PTPRT: variants seen among roughly 807,000 people sequenced by gnomAD.
PTPRT encodes the protein protein tyrosine phosphatase receptor type T, also known as receptor-type tyrosine-protein phosphatase T.
PTPRT carries 56 observed loss-of-function variants against 176.8 expected under a neutral mutation model. The ratio of observed to expected loss-of-function variants is 0.32; its 90% CI spans 0.26 to 0.40. The LOEUF (loss-of-function observed/expected upper bound fraction) is 0.40, where lower values mean the gene tolerates loss of function less well. Among genes scored for constraint, PTPRT ranks in the 10% least tolerant of loss-of-function variants. PTPRT has a pLI of 1.00. For missense variants in PTPRT, 1,540 were observed against 1,908.2 expected, an observed-to-expected ratio of 0.81 and a Z score of 3.60; for synonymous variants, 783 against 739.0, an observed-to-expected ratio of 1.06 and a Z score of -0.96.
At chr20:42,378,018 A>C (rs1045043083) in intron 9 of PTPRT, among the ~76,000 whole-genome samples, 2 of 152,216 alleles carry the variant, frequency 1.3e-5, no homozygotes, top group Non-Finnish European at 2.9e-5. Context: ...ATTATTTCAG[A>C]GGCAGAGGTT....
At chr20:42,808,536 G>C (rs973265488) in intron 2 of PTPRT, among the ~76,000 whole-genome samples, 1 of 152,126 alleles carries the variant, frequency 6.6e-6, no homozygotes, top group African/African-American at 2.4e-5. Context: ...GAGGACCAAA[G>C]CAAGTCCTTG....
chr20:42,070,105 T>C (rs1051114902), downstream of PTPRT, among the ~76,000 whole-genome samples: 6 of 152,142 alleles, frequency 3.9e-5, no homozygotes, highest in Non-Finnish European at 8.8e-5. Flanking sequence ...ACCAGCTGCT[T>C]CTGCTTCTAT....
chr20:42,591,981 T>C (rs906187257), intron 7 of PTPRT, among the ~76,000 whole-genome samples: 5 of 141,374 alleles, frequency 3.5e-5, no homozygotes, highest in Non-Finnish European at 6.1e-5. Flanking sequence ...GATTCTTTTT[T>C]TTTTTTTTTT....
intron 7 of PTPRT, among the ~76,000 whole-genome samples, chr20:42,639,480 C>T (rs958959224): frequency 6.6e-6 from 1 of 152,132 alleles, no homozygotes; most frequent in Non-Finnish European, 1.5e-5. Context: ...CTCCGCAATT[C>T]CCAGAGCATT....
At chr20:42,156,922 C>A (rs769731723) in intron 17 of PTPRT, among the ~76,000 whole-genome samples, 4 of 152,214 alleles carry the variant, frequency 2.6e-5, no homozygotes, top group Non-Finnish European at 5.9e-5. Flanking sequence ...GAAGTAAGGT[C>A]AGATCATTAG....
chr20:42,134,779 A>G (rs1464371112), intron 18 of PTPRT, among the ~76,000 whole-genome samples: 1 of 152,136 alleles, frequency 6.6e-6, no homozygotes, highest in Admixed American at 6.5e-5. Context: ...AAATTTAACA[A>G]TCTGCTTTTG....
intron 12 of PTPRT, among the ~76,000 whole-genome samples, chr20:42,309,854 C>A (rs1346007110): frequency 6.6e-6 from 1 of 152,124 alleles, no homozygotes; most frequent in Non-Finnish European, 1.5e-5. Flanking sequence ...TTGGAGCTCT[C>A]AGCATGCTGT....
At chr20:42,810,901 A>G (rs970164667) in intron 2 of PTPRT, among the ~76,000 whole-genome samples, 1 of 152,226 alleles carries the variant, frequency 6.6e-6, no homozygotes, top group Non-Finnish European at 1.5e-5. Context: ...AAATCATTGC[A>G]CAATCACTTT....
intron 11 of PTPRT, among the ~76,000 whole-genome samples, chr20:42,326,977 TG>T (rs1951055174): frequency 6.8e-6 from 1 of 147,692 alleles, no homozygotes; most frequent in Admixed American, 6.7e-5. Context: ...AACAAAGGAA[TG>T]AGGCTGAAAA....
intron 9 of PTPRT, among the ~76,000 whole-genome samples, chr20:42,361,416 C>T (rs2058430299): frequency 6.6e-6 from 1 of 152,126 alleles, no homozygotes; most frequent in Non-Finnish European, 1.5e-5. Flanking sequence ...CCCTGACTCC[C>T]CTTAAGTCTT....
At chr20:42,704,058 A>G (rs1028331868) in intron 6 of PTPRT, among the ~76,000 whole-genome samples, 13 of 152,172 alleles carry the variant, frequency 8.5e-5, no homozygotes, top group African/African-American at 3.1e-4. Context: ...TAAGCAAGAC[A>G]AAACCAAGGT....
chr20:42,548,800 G>A (rs1163532463), intron 7 of PTPRT, among the ~76,000 whole-genome samples: 2 of 152,236 alleles, frequency 1.3e-5, no homozygotes, highest in Admixed American at 6.5e-5. Flanking sequence ...GAAACGCGCA[G>A]GTGTTATGTG....
rs944838796 is a variant in PTPRT, at chr20:42,236,271, G to A, written c.2313-13C>T. 4 of 1,585,824 alleles carry A rather than the reference G, an allele frequency of 2.5e-6. No individual in the cohort carries two copies. The highest frequency in any genetic ancestry group is 3.5e-6 in the Non-Finnish European group (4 of 1,156,456). On this transcript the variant is annotated splice_polypyrimidine_tract_variant and intron_variant, in intron 14 of 30. Transcript: ENST00000373187. ...ATAAGCATTTCTTCTATATATTGAT[G>A]GGCAGTCAGATGAAGGAAATGTCCA...
intron 1 of PTPRT, among the ~76,000 whole-genome samples, chr20:43,165,397 A>T (rs1432563638): frequency 6.6e-6 from 1 of 152,106 alleles, no homozygotes. Flanking sequence ...TCCTGACCTC[A>T]GGTGATCCAC....
chr20:42,778,152 G>C (rs889284279), intron 4 of PTPRT, among the ~76,000 whole-genome samples: 1 of 152,166 alleles, frequency 6.6e-6, no homozygotes, highest in African/African-American at 2.4e-5. Context: ...AATTTCAAAA[G>C]GATTCATGAG....
At chr20:42,944,830 T>C (rs1336579646) in intron 1 of PTPRT, among the ~76,000 whole-genome samples, 2 of 152,174 alleles carry the variant, frequency 1.3e-5, no homozygotes, top group Admixed American at 6.5e-5. Flanking sequence ...CAAATATGTG[T>C]CTGTGATATC....
At position 42,780,257 on chromosome 20, in the gene PTPRT, T is replaced by A; in HGVS notation, c.529A>T (p.Ile177Phe). 2 of 1,614,076 alleles carry A rather than the reference T, an allele frequency of 1.2e-6. No individual in the cohort carries two copies. The highest frequency in any genetic ancestry group is 1.7e-6 in the Non-Finnish European group (2 of 1,179,962). ...SVSLKGHPGY[I>F]AVDEVRVLAH... ...AGGACCCGGACCTCGTCCACGGCGATGTAGCCAGGATGACCCTTCAATGAG... is the reference window on the plus strand; with the variant it reads ...AGGACCCGGACCTCGTCCACGGCGAAGTAGCCAGGATGACCCTTCAATGAG... The change falls in exon 4 of 31, where the codon ATC becomes TTC. Residue 177 changes from isoleucine to phenylalanine, a missense_variant. This residue lies in a region of PTPRT where 273 missense variants were observed against 432.1 expected (regional missense o/e 0.63). Transcript: ENST00000373187.
chr20:42,671,453 G>A (rs1264414643), intron 7 of PTPRT, among the ~76,000 whole-genome samples: 1 of 152,184 alleles, frequency 6.6e-6, no homozygotes, highest in East Asian at 1.9e-4. Context: ...TTGGGGATGT[G>A]CTGGAGGAAA....
chr20:42,865,144 T>C (rs753070880), intron 2 of PTPRT, among the ~76,000 whole-genome samples: 4 of 152,166 alleles, frequency 2.6e-5, no homozygotes, highest in Non-Finnish European at 5.9e-5. Flanking sequence ...ATGAACAAAG[T>C]ATGCCACAGC....
Sources: allele counts gnomAD v4.1 joint callset (sites outside exome capture counted in the v4.1 genomes callset), GRCh38; gene constraint gnomAD v4.1.1; regional missense constraint gnomAD v4.1.1; transcripts MANE v1.5; gene names NCBI Gene and HGNC (gene_info 2026-07-23, HGNC 2026-07-21).